MIER2: variants seen among roughly 807,000 people sequenced by gnomAD.
MIER2 encodes MIER family member 2, also known as mesoderm induction early response protein 2.
A neutral mutation model predicts 67.6 loss-of-function variants in MIER2; 30 were observed. The observed-to-expected ratio is 0.44, with a 90% CI of 0.33 to 0.60. MIER2 has a LOEUF of 0.60. Among genes scored for constraint, MIER2 ranks in the 20% least tolerant of loss-of-function variants. The pLI is 0.02. For synonymous variants in MIER2, 372 were observed against 312.6 expected (o/e 1.19, Z -2.00); for missense variants, 702 against 745.1 (o/e 0.94, Z 0.67).
chr19:328,266 C>T (rs1971857288), intron 3 of MIER2, among the ~76,000 whole-genome samples: 1 of 152,074 alleles, frequency 6.6e-6, no homozygotes, highest in South Asian at 2.1e-4. Flanking sequence ...GGGTGAATTA[C>T]AGGAATACAA....
At chr19:332,437 G>A (rs1412980793) in intron 3 of MIER2, among the ~76,000 whole-genome samples, 1 of 151,896 alleles carries the variant, frequency 6.6e-6, no homozygotes, top group East Asian at 1.9e-4. Context: ...TGAGTGCTGG[G>A]ATTACAGGCG....
intron 7 of MIER2, among the ~76,000 whole-genome samples, chr19:321,332 C>T (rs1023901333): frequency 2.0e-5 from 3 of 152,120 alleles, no homozygotes; most frequent in Non-Finnish European, 4.4e-5. Flanking sequence ...CACCGTGCAC[C>T]GTTAACTTAA....
intron 2 of MIER2, among the ~76,000 whole-genome samples, chr19:335,857 A>C (rs1204358747): frequency 6.6e-6 from 1 of 152,018 alleles, no homozygotes; most frequent in Non-Finnish European, 1.5e-5. Context: ...GGCTCTGAGG[A>C]TGGTCTTGGG....
At chr19:309,565 C>T (rs1970828463) in intron 10 of MIER2, among the ~76,000 whole-genome samples, 1 of 148,178 alleles carries the variant, frequency 6.7e-6, no homozygotes, top group Non-Finnish European at 1.5e-5. Flanking sequence ...TTCAGGGAGA[C>T]GAGAAGGGAC....
chr19:320,468 TA>T (rs1278147274), intron 7 of MIER2, among the ~76,000 whole-genome samples: 4 of 152,034 alleles, frequency 2.6e-5, no homozygotes, highest in Non-Finnish European at 5.9e-5. Context: ...AATAAATAAA[TA>T]AAATTTAAAT....
Position 344,238 on chromosome 19 carries a change from T to C in MIER2, c.9+536A>G, listed in dbSNP as rs919419806. 8.1e-6 allele frequency: 8 copies of C among 985,150 alleles called. No individual in the cohort carries two copies. In the African/African-American group the frequency reaches 1.2e-4, roughly 15 times the overall value. The allele number at this position is 985,150 out of a possible 1,614,324, so 61.0% of individuals were successfully genotyped here. ...CGCCAGGCGGGTCCGCGTCGGGAGT[T>C]CAAATCCCGCCCGGGGTCTGACCCA... is the stretch of plus-strand genomic sequence containing the variant. On this transcript the variant is annotated intron_variant, in intron 1 of 13. Transcript: ENST00000264819.
Position 344,020 on chromosome 19 carries a change from T to C in MIER2, c.9+754A>G, listed in dbSNP as rs191480368. 2.7e-5 allele frequency: 27 copies of C among 985,426 alleles called. No homozygotes were observed. In the East Asian group the frequency reaches 5.7e-4, roughly 21 times the overall value. 61.0% of individuals were successfully genotyped at this position (985,426 alleles called of 1,614,324 possible). A position where few individuals can be genotyped will look rare whatever the true frequency, so the allele number is the denominator to read the frequency against. ...GTCCAAAATCCCACAGATCCTCAAA[T>C]TGGAAAAATTCTGGATTCCAAAATA... is the stretch of plus-strand genomic sequence containing the variant. On this transcript the variant is annotated intron_variant, in intron 1 of 13. Coordinates refer to ENST00000264819, the MANE Select transcript of MIER2 (RefSeq NM_017550.3).
intron 6 of MIER2, 35 bp from the exon 7 acceptor site, chr19:325,739 G>T (rs980246823): frequency 6.2e-7 from 1 of 1,612,682 alleles, no homozygotes; most frequent in African/African-American, 1.3e-5. Flanking sequence ...AGGACACTGA[G>T]GAGCATCTAG....
intron 3 of MIER2, among the ~76,000 whole-genome samples, chr19:331,542 G>A (rs781412335): frequency 2.6e-5 from 4 of 151,832 alleles, no homozygotes; most frequent in South Asian, 4.2e-4. Flanking sequence ...GGTGGCGTGC[G>A]ACTATAGTCC....
chr19:308,620 G>A lies in MIER2; in HGVS notation c.1155C>T (p.Gly385=). The A allele has an allele frequency of 1.2e-6, 2 of 1,607,324 alleles. No individual in the cohort carries two copies. The highest frequency in any genetic ancestry group is 1.7e-6 in the Non-Finnish European group (2 of 1,178,106). ...DLDGSDPDGP[G]RPRPEQDTLT... The stretch of plus-strand genomic sequence containing the variant: ...GGGTGTCTTGCTCCGGGCGCGGACG[G>A]CCGGGGCCATCGGGGTCGCTGCCAT... The change falls in exon 12 of 14, where the codon GGC becomes GGT. Residue 385 remains glycine (G), a synonymous_variant. Coordinates refer to ENST00000264819, the MANE Select transcript of MIER2 (RefSeq NM_017550.3). This position sits in a 1 kb window ranked among gnomAD's most constrained non-coding sequence, Gnocchi z 9.1.
intron 1 of MIER2, chr19:344,482 C>T (rs1972649501): frequency 4.9e-6 from 3 of 615,006 alleles, no homozygotes; most frequent in African/African-American, 2.0e-5. Context: ...AGCCCCGCCC[C>T]GCGTCCCTCC....
chr19:335,452 T>C (rs1366875520), intron 2 of MIER2, among the ~76,000 whole-genome samples: 2 of 152,232 alleles, frequency 1.3e-5, no homozygotes, highest in African/African-American at 4.8e-5. Context: ...CACCGCACCC[T>C]TGGAGGAGCC....
chr19:321,479 C>T lies in MIER2; in HGVS notation c.655+4156G>A, dbSNP rs558103796. The stretch of plus-strand genomic sequence containing the variant: ...GGCCAACATGGTGAAACCCCATCTC[C>T]GCTAAAAATACAAAAATGAGCCAGG... On this transcript the variant is annotated intron_variant, in intron 7 of 13. Transcript: ENST00000264819. Among the ~76,000 whole-genome samples the T allele has an allele frequency of 5.9e-5, 9 of 152,076 alleles. No individual in the cohort carries two copies. The East Asian group carries it at 1.2e-3, about 20-fold the overall frequency.
chr19:328,465 A>G (rs1317734460), intron 3 of MIER2, among the ~76,000 whole-genome samples: 1 of 151,996 alleles, frequency 6.6e-6, no homozygotes, highest in Non-Finnish European at 1.5e-5. Flanking sequence ...CTACATAAAC[A>G]GGCCAGACAC....
chr19:344,233 G>A, intron 1 of MIER2: 15 of 985,234 alleles, frequency 1.5e-5, no homozygotes, highest in Middle Eastern at 5.2e-4. Context: ...GTCCGCGTCG[G>A]GAGTTCAAAT....
Position 307,626 on chromosome 19 carries a change from G to A in MIER2, c.1199-90C>T, listed in dbSNP as rs1970715626. ...GCCTAACTTTGCTGGGTCCAGCAAA[G>A]CCTGTGGATCCCTCCCCAGAAAAGC... On this transcript the variant is annotated intron_variant, in intron 12 of 13. Coordinates refer to ENST00000264819, the MANE Select transcript of MIER2 (RefSeq NM_017550.3). 3 of 1,323,520 alleles carry A rather than the reference G, an allele frequency of 2.3e-6. No homozygotes were observed. In the Admixed American group the frequency reaches 8.9e-5, roughly 39 times the overall value. 82.0% of individuals were successfully genotyped at this position (1,323,520 alleles called of 1,614,324 possible).
At chr19:324,567 A>G (rs1314713363) in intron 7 of MIER2, among the ~76,000 whole-genome samples, 1 of 139,912 alleles carries the variant, frequency 7.1e-6, no homozygotes, top group Non-Finnish European at 1.5e-5. Flanking sequence ...GACGACTCGA[A>G]TGACACAGAC....
At chr19:327,690 G>A (rs966982445) in intron 4 of MIER2, among the ~76,000 whole-genome samples, 174 bp downstream of exon 4, 3 of 152,190 alleles carry the variant, frequency 2.0e-5, no homozygotes, top group Non-Finnish European at 4.4e-5. Context: ...TAAGGCTAGG[G>A]TCCAGCCCCA....
rs922010025 is a variant in MIER2 at position 306,288 on chromosome 19, G to A, written c.*402C>T. On this transcript the variant is annotated 3_prime_UTR_variant, in exon 14 of 14. Coordinates refer to ENST00000264819, the MANE Select transcript of MIER2 (RefSeq NM_017550.3). Reference sequence around the variant, plus strand: ...GCGCCCCGGCGGAGGCTGCTGGTGCGGGGCAGGGCGTCCTGCCCGTCTCCC... The same window carrying A: ...GCGCCCCGGCGGAGGCTGCTGGTGCAGGGCAGGGCGTCCTGCCCGTCTCCC... 1.7e-5 allele frequency: 4 copies of A among 241,874 alleles called. No individual in the cohort carries two copies. Among genetic ancestry groups the A allele is most frequent in the Non-Finnish European group, 3.2e-5 (4 of 125,724 alleles). The allele number at this position is 241,874 out of a possible 1,614,324, so 15.0% of individuals were successfully genotyped here. A position where few individuals can be genotyped will look rare whatever the true frequency, so the allele number is the denominator to read the frequency against.
Sources: allele counts gnomAD v4.1 joint callset (sites outside exome capture counted in the v4.1 genomes callset), GRCh38; gene constraint gnomAD v4.1.1; non-coding constraint Gnocchi (gnomAD v3.1); transcripts MANE v1.5; gene names NCBI Gene and HGNC (gene_info 2026-07-23, HGNC 2026-07-21).